ARHGEF12: variants seen among roughly 807,000 people sequenced by gnomAD.
ARHGEF12 encodes the protein KMT2A/ARHGEF12 fusion protein.
In ARHGEF12, 66 loss-of-function variants were observed where a neutral mutation model predicts 211.2. That is an observed-to-expected ratio of 0.31 (90% CI 0.26 to 0.38). The LOEUF (loss-of-function observed/expected upper bound fraction) is 0.38, where lower values mean the gene tolerates loss of function less well. Among genes scored for constraint, ARHGEF12 ranks in the 10% least tolerant of loss-of-function variants. The probability of loss-of-function intolerance (pLI) is 1.00; values close to 1 mark genes in which losing one functional copy is unlikely to be tolerated. For missense variants in ARHGEF12, 1,429 were observed against 1,869.5 expected, an observed-to-expected ratio of 0.76 and a Z score of 4.34; for synonymous variants, 592 against 638.4, an observed-to-expected ratio of 0.93 and a Z score of 1.09.
chr11:120,365,957 C>T (rs552629205), intron 1 of ARHGEF12: 1 of 152,184 alleles, frequency 6.6e-6, no homozygotes, highest in Non-Finnish European at 1.5e-5. Context: ...AGAAAAGGTT[C>T]CATTAAAAAC....
In ARHGEF12 at chr11:120,336,718, T is replaced by A. The variant is rs538509911; in HGVS notation, c.-526T>A. 6.6e-6 allele frequency among the ~76,000 whole-genome samples: 1 copy of A among 151,886 alleles called. No individual in the cohort carries two copies. The highest frequency in any genetic ancestry group is 1.5e-5 in the Non-Finnish European group (1 of 67,890). ...CAGAAGGAGCCCCGGGCCCGGGACA[T>A]GGAATCGCGCGAGCCCGGCGCGGGA... On this transcript the variant is annotated 5_prime_UTR_variant, in exon 1 of 41. The change abolishes an upstream ATG in the 5' untranslated region. Transcript: ENST00000397843.
At chr11:120,469,198 A>G (rs924877285) in intron 29 of ARHGEF12, 90 bp from the exon 30 acceptor site, 1 of 1,001,832 alleles carries the variant, frequency 1.0e-6, no homozygotes, top group Non-Finnish European at 1.5e-6. Flanking sequence ...TGCTCTTAAA[A>G]GTATTGAAAT....
intron 38 of ARHGEF12, 26 bp from the exon 39 acceptor site, chr11:120,481,234 T>C: frequency 5.0e-6 from 8 of 1,602,562 alleles, no homozygotes; most frequent in Non-Finnish European, 6.8e-6. Context: ...ACTGGTCTTA[T>C]CAAACTATTC....
At chr11:120,470,757 A>G (rs1216898451) in intron 30 of ARHGEF12, among the ~76,000 whole-genome samples, 1 of 152,230 alleles carries the variant, frequency 6.6e-6, no homozygotes, top group Non-Finnish European at 1.5e-5. Flanking sequence ...AAAACTCTGT[A>G]GGTACCCTTA....
intron 4 of ARHGEF12, among the ~76,000 whole-genome samples, chr11:120,414,348 C>T (rs1032727671): frequency 6.6e-6 from 1 of 152,092 alleles, no homozygotes; most frequent in Non-Finnish European, 1.5e-5. Context: ...GGTTAATTAG[C>T]GTTCTTATAG....
chr11:120,442,048 A>AAT, intron 14 of ARHGEF12, 56 bp from the exon 15 acceptor site: 1 of 1,315,358 alleles, frequency 7.6e-7, no homozygotes, highest in Non-Finnish European at 1.1e-6. Context: ...TGACCTAGCA[A>AAT]ATTACATTTT....
At chr11:120,455,656 C>A (rs1565495399) in intron 22 of ARHGEF12, among the ~76,000 whole-genome samples, 1 of 151,850 alleles carries the variant, frequency 6.6e-6, no homozygotes, top group Non-Finnish European at 1.5e-5. Context: ...CTGGAAACAC[C>A]CAGGAAAGTG....
chr11:120,407,150 T>C (rs1389397953), intron 2 of ARHGEF12, among the ~76,000 whole-genome samples: 3 of 152,212 alleles, frequency 2.0e-5, no homozygotes, highest in Non-Finnish European at 4.4e-5. Flanking sequence ...GTATTATTGT[T>C]ATGGTCTTGT....
At chr11:120,430,694 A>G (rs941515472) in intron 10 of ARHGEF12, among the ~76,000 whole-genome samples, 27 of 152,200 alleles carry the variant, frequency 1.8e-4, no homozygotes, top group African/African-American at 5.8e-4. Flanking sequence ...AAGGCTGCAT[A>G]TTCGCAAAAG....
At position 120,477,471 on chromosome 11, in the gene ARHGEF12, T is replaced by C. The variant is rs570526640; in HGVS notation, c.3477T>C (p.Pro1159=). 48 of 1,609,592 alleles carry C rather than the reference T, an allele frequency of 3.0e-5. No individual in the cohort carries two copies. In the South Asian group the frequency reaches 5.3e-4, roughly 18 times the overall value. The part of the protein sequence containing the change: ...PGEGDNDEED[P]SKLKEEQHGI... ...GAGGAGATAATGATGAAGAAGATCC[T>C]TCAAAATTAAAAGAGGAGCAGCATG... The change falls in exon 36 of 41, where the codon CCT becomes CCC. Residue 1159 remains proline (P), a synonymous_variant. Transcript: ENST00000397843.
intron 6 of ARHGEF12, 106 bp downstream of exon 6, chr11:120,421,958 C>G (rs1000981156): frequency 2.5e-6 from 2 of 803,622 alleles, no homozygotes; most frequent in Non-Finnish European, 4.1e-6. Context: ...CATCATACTT[C>G]TATGTATGAT....
At chr11:120,440,100 TTC>T (rs1945825849) in intron 12 of ARHGEF12, 27 bp from the exon 13 acceptor site, 5 of 1,542,408 alleles carry the variant, frequency 3.2e-6, no homozygotes, top group Non-Finnish European at 4.4e-6. Flanking sequence ...CAGGTAATTT[TTC>T]TGTTTCTTTT....
At chr11:120,349,994 T>C (rs996784266) in intron 1 of ARHGEF12, among the ~76,000 whole-genome samples, 8 of 152,222 alleles carry the variant, frequency 5.3e-5, no homozygotes, top group African/African-American at 1.9e-4. Context: ...TGGGTTAGTT[T>C]GGATTGGCAG....
At chr11:120,380,848 T>G (rs1428136660) in intron 1 of ARHGEF12, among the ~76,000 whole-genome samples, 1 of 152,230 alleles carries the variant, frequency 6.6e-6, no homozygotes, top group African/African-American at 2.4e-5. Context: ...TGGACTCATG[T>G]ATGTTTATTT....
intron 11 of ARHGEF12, among the ~76,000 whole-genome samples, chr11:120,432,361 T>C (rs1419312742): frequency 6.6e-6 from 1 of 152,208 alleles, no homozygotes; most frequent in Non-Finnish European, 1.5e-5. Flanking sequence ...AGCCCAGGTT[T>C]AGTGACAGCA....
intron 1 of ARHGEF12, among the ~76,000 whole-genome samples, chr11:120,373,140 C>G (rs960491721): frequency 1.3e-5 from 2 of 152,022 alleles, no homozygotes; most frequent in African/African-American, 4.8e-5. Flanking sequence ...TGACCTGTTA[C>G]CAGCTTTAGT....
At chr11:120,453,012 CAA>C (rs1187491086) in intron 22 of ARHGEF12, among the ~76,000 whole-genome samples, 1 of 104,998 alleles carries the variant, frequency 9.5e-6, no homozygotes, top group Non-Finnish European at 2.2e-5. Flanking sequence ...AAAACAAAAA[CAA>C]AAACAAAAAA....
intron 4 of ARHGEF12, among the ~76,000 whole-genome samples, chr11:120,412,086 C>G (rs1208962389): frequency 2.6e-5 from 4 of 152,126 alleles, no homozygotes; most frequent in African/African-American, 7.2e-5. Context: ...TCCATTTCCC[C>G]TTATTTGTCC....
intron 18 of ARHGEF12, 21 bp from the exon 19 acceptor site, chr11:120,447,853 T>C (rs1274398224): frequency 2.0e-6 from 3 of 1,500,418 alleles, no homozygotes; most frequent in Non-Finnish European, 2.7e-6. Context: ...CATTTTTAAA[T>C]TTTTTTTTCT....
Sources: allele counts gnomAD v4.1 joint callset (sites outside exome capture counted in the v4.1 genomes callset), GRCh38; gene constraint gnomAD v4.1.1; transcripts MANE v1.5; gene names NCBI Gene and HGNC (gene_info 2026-07-23, HGNC 2026-07-21).